The following MYO3A variants were observed in gnomAD, a reference collection of about 807,000 sequenced individuals.
MYO3A encodes myosin-IIIa.
A neutral mutation model predicts 192.7 loss-of-function variants in MYO3A; 180 were observed. The observed-to-expected ratio is 0.93, with a 90% confidence interval of 0.83 to 1.06. The LOEUF is 1.06. Ranked by LOEUF, MYO3A falls within the 50% of genes least tolerant of loss-of-function variation. The pLI is 0.00. For missense variants in MYO3A, 1,896 were observed against 1,905.0 expected (o/e 1.00, Z 0.09); for synonymous variants, 628 against 645.3 (o/e 0.97, Z 0.41).
At chr10:26,147,130 C>T (rs2131867942) in intron 22 of MYO3A, among the ~76,000 whole-genome samples, 1 of 152,214 alleles carries the variant, frequency 6.6e-6, no homozygotes, top group Middle Eastern at 3.4e-3. Flanking sequence ...GCTGCTCCAT[C>T]CCTCCAAACA....
intron 10 of MYO3A, among the ~76,000 whole-genome samples, chr10:26,047,132 A>G (rs188339020): frequency 8.3e-4 from 126 of 152,324 alleles, no homozygotes; most frequent in East Asian, 9.6e-4. Flanking sequence ...TTGTAATTTT[A>G]TAATTATTTT....
chr10:26,093,929 A>AC (rs555443345), intron 15 of MYO3A, among the ~76,000 whole-genome samples: 2 of 151,778 alleles, frequency 1.3e-5, no homozygotes, highest in Non-Finnish European at 2.9e-5. Context: ...GTTATATAAG[A>AC]CCCCCCGACT....
At chr10:25,943,139 G>A (rs1836609723) in intron 2 of MYO3A, among the ~76,000 whole-genome samples, 4 of 151,796 alleles carry the variant, frequency 2.6e-5, no homozygotes, top group South Asian at 4.2e-4. Context: ...TAACAGTAAT[G>A]TTCTTTTGCA....
At chr10:26,043,297 T>C (rs963320674) in intron 10 of MYO3A, among the ~76,000 whole-genome samples, 6 of 152,252 alleles carry the variant, frequency 3.9e-5, no homozygotes, top group African/African-American at 1.4e-4. Flanking sequence ...CCATGCCCAC[T>C]GTAACCACTA....
intron 4 of MYO3A, among the ~76,000 whole-genome samples, chr10:25,967,118 GA>G (rs1281865875): frequency 1.3e-5 from 2 of 152,082 alleles, no homozygotes; most frequent in African/African-American, 4.8e-5. Context: ...AAGTTATGCA[GA>G]AAAAAGCTCT....
At chr10:26,116,266 G>T (rs1838497216) in intron 17 of MYO3A, among the ~76,000 whole-genome samples, 1 of 152,092 alleles carries the variant, frequency 6.6e-6, no homozygotes, top group South Asian at 2.1e-4. Context: ...TCTATGCTCC[G>T]CTCCGAGTTT....
intron 14 of MYO3A, among the ~76,000 whole-genome samples, chr10:26,084,129 A>G (rs1211145940): frequency 6.6e-6 from 1 of 152,196 alleles, no homozygotes; most frequent in Non-Finnish European, 1.5e-5. Context: ...TACAGCTTCC[A>G]CTTTTAAAAT....
chr10:26,147,322 C>A, intron 22 of MYO3A, 108 bp from the exon 23 acceptor site: 1 of 1,188,066 alleles, frequency 8.4e-7, no homozygotes, highest in Non-Finnish European at 1.2e-6. Flanking sequence ...TGTTGCTGAA[C>A]ATAGAGTAAG....
chr10:26,186,719 C>G (rs1842886387), intron 31 of MYO3A, among the ~76,000 whole-genome samples: 1 of 152,124 alleles, frequency 6.6e-6, no homozygotes, highest in African/African-American at 2.4e-5. Flanking sequence ...TGGAATCTTG[C>G]TCACTTTTCA....
Position 26,066,960 on chromosome 10 carries a change from C to T in MYO3A, c.954-15C>T, listed in dbSNP as rs372789587. On this transcript the variant is annotated splice_polypyrimidine_tract_variant and intron_variant, in intron 10 of 34. Coordinates refer to ENST00000642920, the MANE Select transcript of MYO3A (RefSeq NM_017433.5). ...AGTAATCAATTCTTAAATCAGAAAG[C>T]GTTTTTCTCCACAGACGTGAACGTA... The T allele has an allele frequency of 6.4e-5, 100 of 1,567,628 alleles. No homozygotes were observed. The highest frequency in any genetic ancestry group is 7.7e-5 in the Non-Finnish European group (88 of 1,137,596).
intron 6 of MYO3A, among the ~76,000 whole-genome samples, chr10:26,000,288 C>T (rs936597113): frequency 6.6e-6 from 1 of 152,222 alleles, no homozygotes; most frequent in Non-Finnish European, 1.5e-5. Context: ...CCAGTCAGAG[C>T]TCTTACACTT....
intron 28 of MYO3A, among the ~76,000 whole-genome samples, chr10:26,169,963 CTGACACAG>C (rs1263711884): frequency 1.3e-5 from 2 of 152,144 alleles, no homozygotes; most frequent in African/African-American, 4.8e-5. Context: ...GGGCGCTGCC[CTGACACAG>C]GGAATGTTAC....
intron 14 of MYO3A, among the ~76,000 whole-genome samples, chr10:26,081,531 G>A (rs150926547): frequency 6.6e-6 from 1 of 152,156 alleles, no homozygotes; most frequent in Middle Eastern, 3.2e-3. Context: ...TTCCCTGCCT[G>A]TGGGGTCTGC....
chr10:26,150,218 A>G (rs1380608692), intron 23 of MYO3A, among the ~76,000 whole-genome samples: 11 of 152,140 alleles, frequency 7.2e-5, no homozygotes, highest in Non-Finnish European at 1.5e-4. Flanking sequence ...TGTACTTTTT[A>G]TATATTGCTG....
At chr10:26,097,095 A>G (rs1466164348) in intron 17 of MYO3A, among the ~76,000 whole-genome samples, 2 of 152,060 alleles carry the variant, frequency 1.3e-5, no homozygotes. Flanking sequence ...TAGTATATTC[A>G]TAGAGATGTG....
At chr10:26,176,995 AG>A in intron 31 of MYO3A, 150 bp downstream of exon 31, 1 of 892,598 alleles carries the variant, frequency 1.1e-6, no homozygotes, top group Non-Finnish European at 1.7e-6. Context: ...ATGGAGATAC[AG>A]TTTTTTTAGG....
At chr10:25,956,188 C>T in intron 4 of MYO3A, among the ~76,000 whole-genome samples, 1 of 152,128 alleles carries the variant, frequency 6.6e-6, no homozygotes, top group Non-Finnish European at 1.5e-5. Flanking sequence ...GCCTAATTAC[C>T]TCTTAAAGGT....
At chr10:26,053,742 G>A (rs1189130868) in intron 10 of MYO3A, among the ~76,000 whole-genome samples, 3 of 151,996 alleles carry the variant, frequency 2.0e-5, no homozygotes, top group Admixed American at 6.6e-5. Flanking sequence ...GGAGAATCAC[G>A]TGAACCTGGG....
At chr10:26,092,555 T>G (rs1364899039) in intron 15 of MYO3A, among the ~76,000 whole-genome samples, 1 of 152,212 alleles carries the variant, frequency 6.6e-6, no homozygotes, top group Non-Finnish European at 1.5e-5. Context: ...CACAGGTGAG[T>G]TAAGCTATAC....
Sources: gnomAD v4.1 joint callset for allele counts (sites outside exome capture counted in the v4.1 genomes callset) on GRCh38, gnomAD v4.1.1 for gene constraint, MANE v1.5 for transcripts, NCBI Gene and HGNC (gene_info 2026-07-23, HGNC 2026-07-21) for gene names.